The following MPDZ variants were observed in gnomAD, a reference collection of about 807,000 sequenced individuals.
The protein encoded by MPDZ is multiple PDZ domain crumbs cell polarity complex component.
In MPDZ, 234 loss-of-function variants were observed where a neutral mutation model predicts 239.1. The ratio of observed to expected loss-of-function variants is 0.98; its 90% CI spans 0.88 to 1.09. The LOEUF (loss-of-function observed/expected upper bound fraction) is 1.09. MPDZ is among the 50% of genes least tolerant of loss of function. The probability of loss-of-function intolerance (pLI) is 0.00; values close to 1 mark genes in which losing one functional copy is unlikely to be tolerated. For missense variants in MPDZ, 3,175 were observed against 2,510.0 expected, an observed-to-expected ratio of 1.26 and a Z score of -5.66; for synonymous variants, 1,048 against 881.3, an observed-to-expected ratio of 1.19 and a Z score of -3.35.
At chr9:13,129,629 G>T (rs921405372) in intron 32 of MPDZ, among the ~76,000 whole-genome samples, 1 of 152,154 alleles carries the variant, frequency 6.6e-6, no homozygotes, top group African/African-American at 2.4e-5. Flanking sequence ...AGCAAGAAGA[G>T]ATCTGAGATA....
chr9:13,265,862 G>C (rs1202465862), intron 1 of MPDZ, among the ~76,000 whole-genome samples: 1 of 152,132 alleles, frequency 6.6e-6, no homozygotes, highest in African/African-American at 2.4e-5. Context: ...AGACAAAACT[G>C]TGGAACTAGG....
intron 10 of MPDZ, among the ~76,000 whole-genome samples, chr9:13,210,422 GTTT>G (rs75912848): frequency 6.9e-6 from 1 of 145,580 alleles, no homozygotes; most frequent in Non-Finnish European, 1.5e-5. Context: ...TTAAGAGGAA[GTTT>G]TTTTTTTTTT....
chr9:13,128,837 G>C (rs1314813348), intron 32 of MPDZ, among the ~76,000 whole-genome samples: 1 of 152,096 alleles, frequency 6.6e-6, no homozygotes, highest in Non-Finnish European at 1.5e-5. Context: ...ACTATGGTTG[G>C]CAGCCATTCT....
At chr9:13,225,178 T>C (rs1256879819) in intron 3 of MPDZ, among the ~76,000 whole-genome samples, 2 of 151,974 alleles carry the variant, frequency 1.3e-5, no homozygotes, top group African/African-American at 2.4e-5. Flanking sequence ...CTAAGTGCTA[T>C]TATGAGAGTC....
In MPDZ at chr9:13,106,714, TA is replaced by T. The variant is rs1377938170; in HGVS notation, c.*250del. ...ACAAAACATTAGATATCTCCACAAA[TA>T]AAAACGAGATTCACCTACACAAATA... is the stretch of plus-strand genomic sequence containing the variant. On this transcript the variant is annotated 3_prime_UTR_variant, in exon 47 of 47. Coordinates refer to ENST00000319217, the MANE Select transcript of MPDZ (RefSeq NM_001378778.1). The T allele has an allele frequency of 6.4e-5, 26 of 405,416 alleles. No homozygotes were observed. The highest frequency in any genetic ancestry group is 2.4e-4 in the South Asian group (4 of 16,776). 25.1% of individuals were successfully genotyped at this position (405,416 alleles called of 1,614,324 possible).
intron 10 of MPDZ, among the ~76,000 whole-genome samples, chr9:13,206,428 G>A (rs1054921737): frequency 6.6e-6 from 1 of 151,616 alleles, no homozygotes; most frequent in Non-Finnish European, 1.5e-5. Flanking sequence ...TCACTCTATT[G>A]CCCAGCCTGG....
intron 1 of MPDZ, among the ~76,000 whole-genome samples, chr9:13,265,268 G>A (rs1042378634): frequency 5.3e-5 from 8 of 152,154 alleles, no homozygotes; most frequent in East Asian, 1.9e-4. Flanking sequence ...AGCCCAGGTC[G>A]ACTGTGTCCT....
intron 4 of MPDZ, among the ~76,000 whole-genome samples, chr9:13,224,162 T>C (rs1389024644): frequency 6.6e-6 from 1 of 152,102 alleles, no homozygotes; most frequent in East Asian, 1.9e-4. Flanking sequence ...GAAGAATATT[T>C]CTATAATACA....
At chr9:13,171,196 G>A (rs574971252) in intron 21 of MPDZ, among the ~76,000 whole-genome samples, 19 of 152,046 alleles carry the variant, frequency 1.2e-4, no homozygotes, top group Non-Finnish European at 2.2e-4. Context: ...CAAAGTGTAC[G>A]ACAAAATTTA....
At chr9:13,189,438 A>T (rs1239293284) in intron 16 of MPDZ, among the ~76,000 whole-genome samples, 2 of 152,078 alleles carry the variant, frequency 1.3e-5, no homozygotes, top group African/African-American at 4.8e-5. Context: ...AAATGAAAGA[A>T]TAGAGAGCAA....
chr9:13,126,831 T>C, intron 32 of MPDZ, 59 bp from the exon 33 acceptor site: 1 of 1,404,462 alleles, frequency 7.1e-7, no homozygotes, highest in Non-Finnish European at 1.0e-6. Context: ...TTTATCCAAA[T>C]GGATACCAAG....
intron 19 of MPDZ, among the ~76,000 whole-genome samples, chr9:13,176,897 A>G (rs999165447): frequency 2.0e-5 from 3 of 152,172 alleles, no homozygotes; most frequent in Non-Finnish European, 4.4e-5. Context: ...AATTATTTTG[A>G]TAGGCATTTA....
chr9:13,221,418 G>C lies in MPDZ; in HGVS notation c.830C>G (p.Thr277Ser), dbSNP rs763344267. The C allele has an allele frequency of 3.7e-6, 6 of 1,611,122 alleles. No individual in the cohort carries two copies. The East Asian group carries it at 1.3e-4, about 36-fold the overall frequency. ...CAGAATGGTTTTTACTATCACACCA[G>C]TTGCTTTTCCTCCTATGATGCCAAA... ...LGFGIIGGKA[T>S]GVIVKTILPG... The change falls in exon 7 of 47, where the codon ACT (threonine) becomes AGT (serine). Residue 277 changes from threonine to serine, a missense_variant. Coordinates refer to ENST00000319217, the MANE Select transcript of MPDZ (RefSeq NM_001378778.1).
chr9:13,230,451 G>T (rs1196840016), intron 3 of MPDZ, among the ~76,000 whole-genome samples: 3 of 152,068 alleles, frequency 2.0e-5, no homozygotes, highest in East Asian at 3.9e-4. Flanking sequence ...AATAAAAGAA[G>T]AAAAATATTA....
In MPDZ at chr9:13,168,382, T is replaced by C; in HGVS notation, c.3238A>G (p.Ile1080Val). ...ARAMLRRHSLIGPDIKITYVP... is the reference protein window; with the variant it reads ...ARAMLRRHSLVGPDIKITYVP... ...GATACTTACTTTATGTCAGGGCCAATGAGAGAATGTCTTCTCAACATAGCT... is the reference window on the plus strand; with the variant it reads ...GATACTTACTTTATGTCAGGGCCAACGAGAGAATGTCTTCTCAACATAGCT... The change falls in exon 22 of 47, where the codon ATT (isoleucine) becomes GTT (valine). Residue 1080 changes from isoleucine to valine, a missense_variant. Coordinates refer to ENST00000319217, the MANE Select transcript of MPDZ (RefSeq NM_001378778.1). The C allele has an allele frequency of 6.2e-7, 1 of 1,612,800 alleles. No individual in the cohort carries two copies. Among genetic ancestry groups the C allele is most frequent in the Non-Finnish European group, 8.5e-7 (1 of 1,179,218 alleles).
At chr9:13,255,686 T>C (rs1969272312) in intron 1 of MPDZ, among the ~76,000 whole-genome samples, 1 of 152,222 alleles carries the variant, frequency 6.6e-6, no homozygotes, top group African/African-American at 2.4e-5. Context: ...AACCTTTTTC[T>C]GAGCAGTAGG....
chr9:13,173,925 T>C (rs1424259368), intron 21 of MPDZ, among the ~76,000 whole-genome samples: 3 of 152,168 alleles, frequency 2.0e-5, no homozygotes, highest in African/African-American at 4.8e-5. Flanking sequence ...TTCTGTGTCC[T>C]ACACACAAAC....
chr9:13,241,564 A>G (rs1965412482), intron 3 of MPDZ, among the ~76,000 whole-genome samples: 1 of 152,152 alleles, frequency 6.6e-6, no homozygotes, highest in Admixed American at 6.6e-5. Context: ...ATTAGAAACT[A>G]TAGGGAAAGG....
intron 3 of MPDZ, among the ~76,000 whole-genome samples, chr9:13,230,687 C>G (rs1962143185): frequency 1.3e-5 from 2 of 151,986 alleles, no homozygotes; most frequent in South Asian, 2.1e-4. Context: ...TAAAATAGAT[C>G]TGATCTTGAT....
Sources: gnomAD v4.1 joint callset for allele counts (sites outside exome capture counted in the v4.1 genomes callset) on GRCh38, gnomAD v4.1.1 for gene constraint, MANE v1.5 for transcripts, NCBI Gene and HGNC (gene_info 2026-07-23, HGNC 2026-07-21) for gene names.